The following CNTNAP5 variants were observed in gnomAD, a reference collection of about 807,000 sequenced individuals.
CNTNAP5 encodes contactin-associated protein-like 5.
Under a neutral mutation model 150.2 loss-of-function variants are expected in CNTNAP5, and 72 were observed. The ratio of observed to expected loss-of-function variants is 0.48; its 90% confidence interval spans 0.40 to 0.58. The LOEUF is 0.58. CNTNAP5 is among the 20% of genes least tolerant of loss of function. The probability of loss-of-function intolerance (pLI) is 0.00; values close to 1 mark genes in which losing one functional copy is unlikely to be tolerated. For missense variants in CNTNAP5, 1,636 were observed against 1,626.2 expected (o/e 1.01, Z -0.10); for synonymous variants, 672 against 619.8 (o/e 1.08, Z -1.25).
At chr2:124,299,860 A>G (rs1335168616) in intron 3 of CNTNAP5, among the ~76,000 whole-genome samples, 2 of 152,186 alleles carry the variant, frequency 1.3e-5, no homozygotes, top group African/African-American at 4.8e-5. Flanking sequence ...CTGAGGTCAC[A>G]AAGACCATGG....
rs868125115 is a variant in CNTNAP5 at position 124,721,657 on chromosome 2, T to C, written c.2078-25572T>C. ...CAGCAAATGTATTACCCTATTTATT[T>C]TCACAAATACTACTTTTCCCCTTAA... is the stretch of plus-strand genomic sequence containing the variant. On this transcript the variant is annotated intron_variant, in intron 13 of 23. Coordinates refer to ENST00000682447, the MANE Select transcript of CNTNAP5 (RefSeq NM_001367498.1). 4.4e-4 allele frequency among the ~76,000 whole-genome samples: 67 copies of C among 152,156 alleles called. 1 individual carries two copies. The highest frequency in any genetic ancestry group is 1.5e-3 in the African/African-American group (62 of 41,520).
chr2:124,336,194 G>T (rs1689462576), intron 3 of CNTNAP5, among the ~76,000 whole-genome samples: 1 of 152,068 alleles, frequency 6.6e-6, no homozygotes, highest in Non-Finnish European at 1.5e-5. Flanking sequence ...ACCAAGGAAG[G>T]TGAGGTACAG....
At position 124,242,206 on chromosome 2, in the gene CNTNAP5, G is replaced by A; in HGVS notation, c.194G>A (p.Gly65Asp). The change falls in exon 3 of 24, where the codon GGC becomes GAC. Residue 65 changes from glycine (G) to aspartate (D), a missense_variant. Transcript: ENST00000682447. ...PAQLNWRVGT[G>D]GWSPADSNAQ... is the part of the protein sequence containing the mutation. ...CTCTCTGATCCTGTTCCAGGAACTG[G>A]CGGTTGGTCCCCAGCAGATTCCAAT... 6.3e-7 allele frequency: 1 copy of A among 1,585,946 alleles called. No individual in the cohort carries two copies. The highest frequency in any genetic ancestry group is 8.6e-7 in the Non-Finnish European group (1 of 1,165,300).
chr2:124,757,224 C>T (rs990623327), intron 14 of CNTNAP5, among the ~76,000 whole-genome samples: 1 of 152,192 alleles, frequency 6.6e-6, no homozygotes, highest in African/African-American at 2.4e-5. Context: ...TCCCAGAAAT[C>T]CTGTCAAGGT....
At chr2:124,850,820 G>C (rs983155720) in intron 19 of CNTNAP5, among the ~76,000 whole-genome samples, 1 of 152,086 alleles carries the variant, frequency 6.6e-6, no homozygotes, top group Non-Finnish European at 1.5e-5. Context: ...AGAAAGAAAA[G>C]AATGTGACTG....
At chr2:124,846,289 T>G (rs1683046093) in intron 19 of CNTNAP5, among the ~76,000 whole-genome samples, 1 of 152,174 alleles carries the variant, frequency 6.6e-6, no homozygotes, top group African/African-American at 2.4e-5. Flanking sequence ...AAAAAATTTT[T>G]TTGTCTTTGT....
chr2:124,507,276 T>A (rs1022405759), intron 8 of CNTNAP5, among the ~76,000 whole-genome samples: 1 of 151,980 alleles, frequency 6.6e-6, no homozygotes, highest in African/African-American at 2.4e-5. Flanking sequence ...CTGAGTAACA[T>A]GGCAAAACCC....
At chr2:124,362,424 C>T (rs112020915) in intron 3 of CNTNAP5, among the ~76,000 whole-genome samples, 387 of 152,282 alleles carry the variant, frequency 2.5e-3, no homozygotes, top group South Asian at 4.8e-3. Flanking sequence ...CTTTCAGAAT[C>T]CTATCTCACT....
intron 5 of CNTNAP5, among the ~76,000 whole-genome samples, chr2:124,441,392 AT>A (rs923156762): frequency 7.9e-5 from 12 of 152,000 alleles, no homozygotes; most frequent in African/African-American, 2.7e-4. Flanking sequence ...GAAAAAAAAA[AT>A]GATTATGATA....
chr2:124,514,602 G>A (rs1168339032), intron 8 of CNTNAP5, among the ~76,000 whole-genome samples: 1 of 152,186 alleles, frequency 6.6e-6, no homozygotes, highest in Non-Finnish European at 1.5e-5. Context: ...GGAAGAGACA[G>A]TAAAGAGGCA....
chr2:124,869,741 C>T lies in CNTNAP5; in HGVS notation c.3415C>T (p.Leu1139Phe), dbSNP rs751591690. The T allele has an allele frequency of 1.2e-6, 2 of 1,610,660 alleles. No homozygotes were observed. The highest frequency in any genetic ancestry group is 2.2e-5 in the East Asian group (1 of 44,742). Residue 1139 changes from leucine (L) to phenylalanine (F), a missense_variant, in exon 21 of 24, where the codon CTC (leucine) becomes TTC (phenylalanine). Physicochemically the swap from Leu to Phe is conservative, Grantham distance 22. Coordinates refer to ENST00000682447, the MANE Select transcript of CNTNAP5 (RefSeq NM_001367498.1). ...PEVEFRVIRSLTLGKVTENLG... is the reference protein window; with the variant it reads ...PEVEFRVIRSFTLGKVTENLG... ...AGTAGAGTTCAGGGTTATAAGGTCA[C>T]TCACCTTGGGCAAAGTCACAGGTAT...
At position 124,563,241 on chromosome 2, in the gene CNTNAP5, T is replaced by C; in HGVS notation, c.1674T>C (p.His558=). 10 of 1,593,968 alleles carry C rather than the reference T, an allele frequency of 6.3e-6. No individual in the cohort carries two copies. Among genetic ancestry groups the C allele is most frequent in the South Asian group, 1.1e-5 (1 of 87,460 alleles). The change falls in exon 11 of 24, where the codon CAT becomes CAC. Residue 558 remains histidine, a synonymous_variant. Transcript: ENST00000682447. ...GGTGTTTGCCAAACTACTGTGAACA[T>C]GGAGGAAGCTGCTCCCAGTCCTGGA... ...KDRCLPNYCE[H]GGSCSQSWTT... is the part of the protein sequence containing the mutation.
intron 3 of CNTNAP5, among the ~76,000 whole-genome samples, chr2:124,305,497 C>A (rs1006363244): frequency 6.6e-6 from 1 of 152,226 alleles, no homozygotes; most frequent in Admixed American, 6.5e-5. Flanking sequence ...TTAGTTATGT[C>A]ATTTTTTTTA....
intron 13 of CNTNAP5, among the ~76,000 whole-genome samples, chr2:124,746,390 C>T (rs1471573440): frequency 6.6e-6 from 1 of 152,118 alleles, no homozygotes; most frequent in African/African-American, 2.4e-5. Flanking sequence ...AAATGGTTTC[C>T]AGTTAGCTAT....
In CNTNAP5 at chr2:124,902,934, T is replaced by C. The variant is rs998406369; in HGVS notation, c.3489T>C (p.Ala1163=). 6.2e-7 allele frequency: 1 copy of C among 1,612,950 alleles called. No individual in the cohort carries two copies. Among genetic ancestry groups the C allele is most frequent in the Non-Finnish European group, 8.5e-7 (1 of 1,179,216 alleles). The change falls in exon 22 of 24, where the codon GCT becomes GCC. Residue 1163 remains alanine, a synonymous_variant. Transcript: ENST00000682447. Reference sequence around the variant, plus strand: ...CTAAAGCAAATGCCATGGGTTTTGCTGGATGCATGTCTTCCGTCCAGTACA... The same window carrying C: ...CTAAAGCAAATGCCATGGGTTTTGCCGGATGCATGTCTTCCGTCCAGTACA... ...EVAKANAMGF[A]GCMSSVQYNH...
chr2:124,262,880 ATGAG>A (rs1414877533), intron 3 of CNTNAP5, among the ~76,000 whole-genome samples: 10 of 139,594 alleles, frequency 7.2e-5, no homozygotes, highest in African/African-American at 2.7e-4. Context: ...ATTCCCACCT[ATGAG>A]TGAGCACATG....
intron 10 of CNTNAP5, among the ~76,000 whole-genome samples, chr2:124,531,920 T>G (rs894308549): frequency 8.5e-5 from 13 of 152,172 alleles, no homozygotes; most frequent in African/African-American, 3.1e-4. Flanking sequence ...GAACAGACAC[T>G]CAGTTTAGCA....
intron 6 of CNTNAP5, among the ~76,000 whole-genome samples, chr2:124,456,693 A>G (rs968997542): frequency 6.6e-6 from 1 of 152,228 alleles, no homozygotes; most frequent in Admixed American, 6.5e-5. Context: ...TAACCAAAAC[A>G]GCATGGTACT....
At chr2:124,115,894 C>G (rs1052528353) in intron 1 of CNTNAP5, among the ~76,000 whole-genome samples, 26 of 151,752 alleles carry the variant, frequency 1.7e-4, no homozygotes, top group African/African-American at 6.3e-4. Flanking sequence ...TCTTCTGCCT[C>G]AGTCTCTCAA....
Sources: allele counts gnomAD v4.1 joint callset (sites outside exome capture counted in the v4.1 genomes callset), GRCh38; gene constraint gnomAD v4.1.1; transcripts MANE v1.5; gene names NCBI Gene and HGNC (gene_info 2026-07-23, HGNC 2026-07-21).